The following GLYATL2 variants were observed in gnomAD, a reference collection of about 807,000 sequenced individuals.
GLYATL2 encodes glycine-N-acyltransferase like 2, also known as glycine N-acyltransferase-like protein 2.
Under a neutral mutation model 21.4 loss-of-function variants are expected in GLYATL2, and 25 were observed. The observed-to-expected ratio is 1.17, with a 90% CI of 0.85 to 1.63. The LOEUF is 1.63. Among genes scored for constraint, GLYATL2 ranks in the 40% most tolerant of loss-of-function variants. GLYATL2 has a pLI of 0.00. For synonymous variants in GLYATL2, 114 were observed against 118.2 expected (o/e 0.96, Z 0.23); for missense variants, 361 against 343.3 (o/e 1.05, Z -0.41).
intron 1 of GLYATL2, among the ~76,000 whole-genome samples, chr11:58,897,501 A>AC (rs760326338): frequency 1.2e-4 from 18 of 152,052 alleles, no homozygotes; most frequent in Non-Finnish European, 1.9e-4. Context: ...AGATCACAGC[A>AC]CCCCACTAGC....
chr11:58,840,754 G>T (rs905111731), intron 1 of GLYATL2: 4 of 151,728 alleles, frequency 2.6e-5, no homozygotes, highest in Admixed American at 6.6e-5. Context: ...CAGGAGAATT[G>T]CTTGAACCAA....
At chr11:58,900,918 G>A (rs1854727432) in intron 1 of GLYATL2, among the ~76,000 whole-genome samples, 1 of 109,972 alleles carries the variant, frequency 9.1e-6, no homozygotes, top group South Asian at 3.0e-4. Flanking sequence ...TTCACCTCCC[G>A]CTTTTCTTCC....
upstream of GLYATL2, among the ~76,000 whole-genome samples, chr11:58,904,866 C>T (rs1471459033): frequency 2.0e-5 from 3 of 152,208 alleles, no homozygotes; most frequent in Non-Finnish European, 2.9e-5. Flanking sequence ...ATAATTTTCA[C>T]CATCATCTAT....
chr11:58,898,819 C>A (rs1854681317), intron 1 of GLYATL2, among the ~76,000 whole-genome samples: 1 of 152,116 alleles, frequency 6.6e-6, no homozygotes, highest in Admixed American at 6.5e-5. Context: ...GGCGACAGTG[C>A]AAGACTCCAT....
chr11:58,886,257 A>T (rs1854437773), intron 1 of GLYATL2, among the ~76,000 whole-genome samples: 1 of 152,120 alleles, frequency 6.6e-6, no homozygotes, highest in Non-Finnish European at 1.5e-5. Context: ...GAAGGGACTC[A>T]ACGACTCATA....
chr11:58,853,783 A>T (rs1853781864), intron 1 of GLYATL2, among the ~76,000 whole-genome samples: 1 of 152,248 alleles, frequency 6.6e-6, no homozygotes, highest in South Asian at 2.1e-4. Context: ...GAGCTAATTA[A>T]TATATGCACT....
intron 1 of GLYATL2, among the ~76,000 whole-genome samples, chr11:58,841,798 C>T (rs1388215564): frequency 6.6e-6 from 1 of 152,116 alleles, no homozygotes; most frequent in Non-Finnish European, 1.5e-5. Flanking sequence ...GAAAGAGCGA[C>T]CAAAGCAGTC....
At position 58,897,458 on chromosome 11, in the gene GLYATL2, T is replaced by C. The variant is rs547956067; in HGVS notation, n.60+6698A>G. Among the ~76,000 whole-genome samples, 13 of 152,308 alleles carry C rather than the reference T, an allele frequency of 8.5e-5. 1 individual carries two copies. Among genetic ancestry groups the C allele is most frequent in the African/African-American group, 3.1e-4 (13 of 41,566 alleles). On this transcript the variant is annotated intron_variant and non_coding_transcript_variant, in intron 1 of 4. Coordinates refer to the GLYATL2 transcript ENST00000533636. ...TATAAGGGTGCCAACCTTTTAGAAC[T>C]GTGTGTCTTCACAAGGACCTACCAA...
chr11:58,846,055 A>G (rs1283256246), upstream of GLYATL2, among the ~76,000 whole-genome samples: 3 of 152,248 alleles, frequency 2.0e-5, no homozygotes, highest in Non-Finnish European at 4.4e-5. Flanking sequence ...TGTTAAATAC[A>G]TATCAAAGTT....
chr11:58,838,757 A>T (rs1853489084), intron 2 of GLYATL2, among the ~76,000 whole-genome samples: 1 of 152,168 alleles, frequency 6.6e-6, no homozygotes, highest in African/African-American at 2.4e-5. Flanking sequence ...CTACAACCCT[A>T]AAGTTAAGTT....
intron 1 of GLYATL2, among the ~76,000 whole-genome samples, chr11:58,882,212 T>A (rs1854349551): frequency 6.6e-6 from 1 of 152,200 alleles, no homozygotes; most frequent in Admixed American, 6.5e-5. Context: ...GTAAAAGCGT[T>A]CCTATTTCTC....
At chr11:58,881,138 TAA>T (rs1457164416) in intron 1 of GLYATL2, among the ~76,000 whole-genome samples, 3 of 152,244 alleles carry the variant, frequency 2.0e-5, no homozygotes, top group Non-Finnish European at 4.4e-5. Flanking sequence ...TAACATATGT[TAA>T]ATATTGTTCT....
intron 1 of GLYATL2, among the ~76,000 whole-genome samples, chr11:58,874,849 AC>A (rs1353865444): frequency 1.3e-5 from 2 of 151,862 alleles, no homozygotes; most frequent in East Asian, 3.8e-4. Flanking sequence ...ATCCTTGTTG[AC>A]TTTCTGTCTC....
intron 1 of GLYATL2, among the ~76,000 whole-genome samples, chr11:58,890,551 A>T (rs1854524153): frequency 6.6e-6 from 1 of 152,084 alleles, no homozygotes; most frequent in Non-Finnish European, 1.5e-5. Flanking sequence ...AGGCCATAAT[A>T]CTTGTCCACT....
intron 1 of GLYATL2, among the ~76,000 whole-genome samples, chr11:58,866,324 G>T (rs781727581): frequency 6.1e-5 from 9 of 148,592 alleles, no homozygotes; most frequent in Non-Finnish European, 1.0e-4. Context: ...TGTTTACTTG[G>T]CTCCTCTATG....
At chr11:58,864,790 T>C (rs1853994959) in intron 1 of GLYATL2, among the ~76,000 whole-genome samples, 1 of 149,238 alleles carries the variant, frequency 6.7e-6, no homozygotes, top group Non-Finnish European at 1.5e-5. Context: ...TTTCTGAGGA[T>C]AAGTGTTAGA....
chr11:58,878,354 G>T, intron 1 of GLYATL2: 1 of 661,516 alleles, frequency 1.5e-6, no homozygotes, highest in African/African-American at 1.9e-5. Context: ...TGTGTCCATT[G>T]ATCTCTCAGA....
rs771240433 is a variant in GLYATL2 at position 58,839,529 on chromosome 11, C to T, written c.78+6G>A. 1.2e-5 allele frequency: 19 copies of T among 1,591,162 alleles called. No individual in the cohort carries two copies. Among genetic ancestry groups the T allele is most frequent in the East Asian group, 2.2e-5 (1 of 44,712 alleles). ...TCTCTCCTTTGATCTCCTCCTACTCCGTTACCTTTATGGATTCAGGGATGC... is the reference window on the plus strand; with the variant it reads ...TCTCTCCTTTGATCTCCTCCTACTCTGTTACCTTTATGGATTCAGGGATGC... On this transcript the variant is annotated splice_donor_region_variant and intron_variant, in intron 2 of 5. Coordinates refer to ENST00000287275, the MANE Select transcript of GLYATL2 (RefSeq NM_145016.4).
intron 1 of GLYATL2, among the ~76,000 whole-genome samples, chr11:58,869,800 C>G (rs1199163428): frequency 6.6e-6 from 1 of 152,138 alleles, no homozygotes; most frequent in Non-Finnish European, 1.5e-5. Flanking sequence ...TCAGAATTGT[C>G]AGCATACATT....
Sources: allele counts gnomAD v4.1 joint callset (sites outside exome capture counted in the v4.1 genomes callset), GRCh38; gene constraint gnomAD v4.1.1; transcripts MANE v1.5; gene names NCBI Gene and HGNC (gene_info 2026-07-23, HGNC 2026-07-21).